ARFGEF1: variants seen among roughly 807,000 people sequenced by gnomAD.
ARFGEF1 encodes the protein brefeldin A-inhibited guanine nucleotide-exchange protein 1.
ARFGEF1 carries 42 observed loss-of-function variants against 231.0 expected under a neutral mutation model. The ratio of observed to expected loss-of-function variants is 0.18; its 90% confidence interval spans 0.14 to 0.24. The LOEUF is 0.24. Ranked by LOEUF, ARFGEF1 falls within the 10% of genes least tolerant of loss-of-function variation. The probability of loss-of-function intolerance (pLI) is 1.00; values close to 1 mark genes in which losing one functional copy is unlikely to be tolerated. For synonymous variants in ARFGEF1, 710 were observed against 732.3 expected (o/e 0.97, Z 0.49); for missense variants, 1,345 against 2,192.0 (o/e 0.61, Z 7.72).
chr8:67,290,865 G>C (rs1185672324), intron 6 of ARFGEF1, among the ~76,000 whole-genome samples: 1 of 151,696 alleles, frequency 6.6e-6, no homozygotes, highest in Non-Finnish European at 1.5e-5. Context: ...AAATAGTAAA[G>C]TACTGTTTTT....
chr8:67,291,083 C>T (rs1805986984), intron 6 of ARFGEF1, among the ~76,000 whole-genome samples: 1 of 152,032 alleles, frequency 6.6e-6, no homozygotes, highest in Non-Finnish European at 1.5e-5. Context: ...GACAACCACA[C>T]TGGAGAGGCA....
At chr8:67,319,247 T>C (rs1234347672) in intron 1 of ARFGEF1, among the ~76,000 whole-genome samples, 2 of 152,174 alleles carry the variant, frequency 1.3e-5, no homozygotes, top group Non-Finnish European at 2.9e-5. Flanking sequence ...AAAGGCAATG[T>C]AACTAGGATA....
At chr8:67,261,405 T>C (rs1804616283) in intron 14 of ARFGEF1, among the ~76,000 whole-genome samples, 1 of 152,150 alleles carries the variant, frequency 6.6e-6, no homozygotes, top group Non-Finnish European at 1.5e-5. Context: ...TCCTTAAGAA[T>C]TACATGCTAA....
intron 9 of ARFGEF1, 48 bp downstream of exon 9, chr8:67,275,928 T>A (rs1227121007): frequency 1.2e-6 from 2 of 1,606,912 alleles, no homozygotes; most frequent in African/African-American, 2.7e-5. Flanking sequence ...ACAGTAAGTT[T>A]CAAGCCTAAA....
intron 1 of ARFGEF1, among the ~76,000 whole-genome samples, chr8:67,332,254 CAT>C (rs1808134648): frequency 1.3e-5 from 2 of 152,226 alleles, no homozygotes; most frequent in African/African-American, 2.4e-5. Context: ...TTTCACATAA[CAT>C]AACATTTTAA....
intron 27 of ARFGEF1, 88 bp from the exon 28 acceptor site, chr8:67,226,271 T>G: frequency 8.4e-7 from 1 of 1,190,368 alleles, no homozygotes; most frequent in Non-Finnish European, 1.1e-6. Context: ...TGTAATGCAC[T>G]TCCTCTTAAA....
chr8:67,244,576 A>G (rs1840047952), intron 19 of ARFGEF1, among the ~76,000 whole-genome samples: 1 of 149,550 alleles, frequency 6.7e-6, no homozygotes, highest in Non-Finnish European at 1.5e-5. Flanking sequence ...TTGGGATTAC[A>G]GGCATAAACC....
At chr8:67,289,779 C>T (rs1038395253) in intron 6 of ARFGEF1, among the ~76,000 whole-genome samples, 1 of 152,034 alleles carries the variant, frequency 6.6e-6, no homozygotes, top group Non-Finnish European at 1.5e-5. Flanking sequence ...TTAGAGTCTT[C>T]TGTGAATAAA....
rs532776462 is a variant in ARFGEF1 at position 67,177,548 on chromosome 8, A to C, written c.561-1976T>G. ...GTTTTTTAATAAGTGATATCTTTAA[A>C]ATACTCTGAAGTGTGATAGTTGAAA... On this transcript the variant is annotated intron_variant, in intron 5 of 5. Transcript: ENST00000518789. 6.5e-6 allele frequency: 4 copies of C among 611,686 alleles called. No homozygotes were observed. The Admixed American group carries it at 1.2e-4, about 18-fold the overall frequency. The allele number at this position is 611,686 out of a possible 1,614,324, so 37.9% of individuals were successfully genotyped here.
At chr8:67,175,706 C>T (rs1000787466) in intron 5 of ARFGEF1, 19 of 544,692 alleles carry the variant, frequency 3.5e-5, no homozygotes, top group Admixed American at 2.3e-4. Context: ...GGCCAGGTGA[C>T]GTCTGCATCA....
In ARFGEF1 at chr8:67,197,842, A is replaced by C. The variant is rs1011230845; in HGVS notation, c.*1092T>G. On this transcript the variant is annotated 3_prime_UTR_variant, in exon 39 of 39. Transcript: ENST00000262215. ...TTTCTACATCCACTGTTAATACGGAATGCTTGACAATCTTGTCTTTTAACC... is the reference window on the plus strand; with the variant it reads ...TTTCTACATCCACTGTTAATACGGACTGCTTGACAATCTTGTCTTTTAACC... 9.1e-6 allele frequency: 9 copies of C among 985,770 alleles called. No individual in the cohort carries two copies. The highest frequency in any genetic ancestry group is 1.1e-5 in the Non-Finnish European group (9 of 829,936). 61.1% of individuals were successfully genotyped at this position (985,770 alleles called of 1,614,324 possible). A position where few individuals can be genotyped will look rare whatever the true frequency, so the allele number is the denominator to read the frequency against.
chr8:67,333,017 A>G (rs2128934506), intron 1 of ARFGEF1, among the ~76,000 whole-genome samples: 1 of 151,460 alleles, frequency 6.6e-6, no homozygotes, highest in East Asian at 1.9e-4. Context: ...TTTTCCTCCT[A>G]TTATTGCCTT....
At chr8:67,224,102 C>T (rs758224193) in intron 29 of ARFGEF1, among the ~76,000 whole-genome samples, 1 of 152,056 alleles carries the variant, frequency 6.6e-6, no homozygotes, top group Admixed American at 6.6e-5. Flanking sequence ...AAGAGAGATT[C>T]ATTCTGTGCT....
intron 3 of ARFGEF1, among the ~76,000 whole-genome samples, chr8:67,300,904 T>C (rs1014238537): frequency 1.3e-5 from 2 of 151,460 alleles, no homozygotes; most frequent in African/African-American, 4.8e-5. Flanking sequence ...AATGGTGATG[T>C]ATGTAAAGTC....
intron 9 of ARFGEF1, among the ~76,000 whole-genome samples, chr8:67,275,355 T>C (rs557819741): frequency 6.6e-6 from 1 of 152,154 alleles, no homozygotes; most frequent in East Asian, 1.9e-4. Context: ...AAAATGGCAC[T>C]TTCCTAGGGT....
downstream of ARFGEF1, chr8:67,195,791 T>C: frequency 3.6e-6 from 2 of 550,504 alleles, no homozygotes; most frequent in Non-Finnish European, 6.5e-6. Flanking sequence ...AATAGAATTG[T>C]ATAGATTATT....
chr8:67,343,031 G>A (rs1017466999), intron 1 of ARFGEF1, 133 bp downstream of exon 1: 5 of 1,057,490 alleles, frequency 4.7e-6, no homozygotes, highest in African/African-American at 1.6e-5. Flanking sequence ...AGGGAACAGA[G>A]GGCTCCGCGA....
At chr8:67,273,202 T>A (rs1411978790) in intron 9 of ARFGEF1, among the ~76,000 whole-genome samples, 1 of 151,988 alleles carries the variant, frequency 6.6e-6, no homozygotes, top group Non-Finnish European at 1.5e-5. Flanking sequence ...GAAAAAGTAG[T>A]TTTTGGCTTA....
chr8:67,179,255 TC>T (rs1832427906), intron 5 of ARFGEF1, among the ~76,000 whole-genome samples: 1 of 152,210 alleles, frequency 6.6e-6, no homozygotes, highest in African/African-American at 2.4e-5. Flanking sequence ...GCATTTTTTT[TC>T]GTTACTATAC....
Sources: gnomAD v4.1 joint callset for allele counts (sites outside exome capture counted in the v4.1 genomes callset) on GRCh38, gnomAD v4.1.1 for gene constraint, MANE v1.5 for transcripts, NCBI Gene and HGNC (gene_info 2026-07-23, HGNC 2026-07-21) for gene names.